SRA1: variants seen among roughly 807,000 people sequenced by gnomAD.
SRA1 encodes the protein steroid receptor RNA activator 1, also known as lncRNA SRA.
Under a neutral mutation model 24.3 loss-of-function variants are expected in SRA1, and 25 were observed. That is an observed-to-expected ratio of 1.03 (90% CI 0.75 to 1.43). The LOEUF (loss-of-function observed/expected upper bound fraction) is 1.43, where lower values mean the gene tolerates loss of function less well. Ranked by LOEUF, SRA1 falls within the 40% of genes most tolerant of loss-of-function variation. The pLI, the probability that SRA1 is intolerant of heterozygous loss-of-function variation, is 0.00. For synonymous variants in SRA1, 104 were observed against 109.5 expected, an observed-to-expected ratio of 0.95 and a Z score of 0.31; for missense variants, 303 against 286.6, an observed-to-expected ratio of 1.06 and a Z score of -0.41.
chr5:140,557,736 A>G (rs1561865104), upstream of SRA1: 2 of 542,658 alleles, frequency 3.7e-6, no homozygotes, highest in South Asian at 2.4e-5. Context: ...GCAAATTCAA[A>G]CAAAGAAGCT....
intron 2 of SRA1, among the ~76,000 whole-genome samples, chr5:140,552,647 C>CT (rs1409688054): frequency 4.7e-5 from 7 of 148,834 alleles, no homozygotes; most frequent in Non-Finnish European, 7.4e-5. Context: ...GAGTGAAACT[C>CT]TGTCTCAAAA....
intron 2 of SRA1, among the ~76,000 whole-genome samples, chr5:140,553,589 G>A (rs1330795140): frequency 6.6e-6 from 1 of 152,190 alleles, no homozygotes; most frequent in African/African-American, 2.4e-5. Context: ...ACCCTGTGGG[G>A]CTTTGGAAGA....
upstream of SRA1, chr5:140,557,514 C>T (rs1396595150): frequency 4.6e-6 from 7 of 1,524,100 alleles, no homozygotes; most frequent in East Asian, 2.4e-5. Context: ...TCACGCGGGC[C>T]AGTTGAGACA....
intron 2 of SRA1, among the ~76,000 whole-genome samples, chr5:140,555,893 C>G (rs1459420097): frequency 6.6e-6 from 1 of 152,186 alleles, no homozygotes; most frequent in Non-Finnish European, 1.5e-5. Flanking sequence ...CACCCTTATG[C>G]AAATCATTAA....
Position 140,550,704 on chromosome 5 carries a change from G to A in SRA1, c.671C>T (p.Ser224Leu). ...GTGAGTCTGGGGAACCGAGGATTATGAAGCCTGCTGGAAGCCTGGTATGGT... is the reference window on the plus strand; with the variant it reads ...GTGAGTCTGGGGAACCGAGGATTATAAAGCCTGCTGGAAGCCTGGTATGGT... ...NHTIPGFQQA[S>L] Residue 224 changes from serine (S) to leucine (L), a missense_variant, in exon 5 of 5, where the codon TCA (serine) becomes TTA (leucine). Coordinates refer to ENST00000336283, the MANE Select transcript of SRA1 (RefSeq NM_001035235.4). The A allele has an allele frequency of 6.2e-7, 1 of 1,614,102 alleles. No individual in the cohort carries two copies. Among genetic ancestry groups the A allele is most frequent in the Non-Finnish European group, 8.5e-7 (1 of 1,179,996 alleles).
intron 3 of SRA1, 53 bp from the exon 4 acceptor site, chr5:140,551,222 G>A: frequency 1.4e-6 from 2 of 1,436,278 alleles, no homozygotes; most frequent in Admixed American, 1.7e-5. Context: ...AATGAGGGGA[G>A]GAGAGGGGAA....
chr5:140,552,182 G>A lies in SRA1; in HGVS notation c.154C>T (p.Pro52Ser), dbSNP rs762256653. The A allele has an allele frequency of 6.4e-7, 1 of 1,555,960 alleles. No homozygotes were observed. The highest frequency in any genetic ancestry group is 8.7e-7 in the Non-Finnish European group (1 of 1,150,364). The change falls in exon 3 of 5, where the codon CCC becomes TCC. Residue 52 changes from proline to serine, a missense_variant and splice_region_variant. Pro to Ser is a moderately conservative substitution (Grantham distance 74, BLOSUM62 -1). Transcript: ENST00000336283. ...GGCCCAGGAGAAGTCTCTGATGCGG[G>A]GACTGAAAAGGTACAGCAGGATCAA... The part of the protein sequence containing the change: ...AAPQDGSPRV[P>S]ASETSPGPPP...
Position 140,551,979 on chromosome 5 carries a change from T to C in SRA1, c.354+3A>G. Reference sequence around the variant, plus strand: ...CTCTAACCTCTGATGTGCCAGAGCTTACCCTTGTGTGGCCACGGCAGTCTT... The same window carrying C: ...CTCTAACCTCTGATGTGCCAGAGCTCACCCTTGTGTGGCCACGGCAGTCTT... On this transcript the variant is annotated splice_donor_region_variant and intron_variant, in intron 3 of 4. Coordinates refer to ENST00000336283, the MANE Select transcript of SRA1 (RefSeq NM_001035235.4). 6.2e-7 allele frequency: 1 copy of C among 1,613,748 alleles called. No individual in the cohort carries two copies. The highest frequency in any genetic ancestry group is 1.1e-5 in the South Asian group (1 of 91,030).
intron 4 of SRA1, 61 bp downstream of exon 4, chr5:140,551,000 T>TC: frequency 6.3e-7 from 1 of 1,581,030 alleles, no homozygotes; most frequent in Non-Finnish European, 8.7e-7. Flanking sequence ...CAGCACCTGC[T>TC]CCAGCATAGC....
intron 2 of SRA1, among the ~76,000 whole-genome samples, chr5:140,553,897 T>C (rs1346542971): frequency 2.0e-5 from 3 of 152,158 alleles, no homozygotes; most frequent in African/African-American, 7.2e-5. Flanking sequence ...TGACTCGTAG[T>C]TTCTGACTTA....
In SRA1 at chr5:140,553,307, TAA is replaced by T. The variant is rs551082593; in HGVS notation, c.152-1125_152-1124del. Among the ~76,000 whole-genome samples the T allele has an allele frequency of 2.1e-4, 27 of 127,960 alleles. 1 individual carries two copies. Among genetic ancestry groups the T allele is most frequent in the African/African-American group, 3.2e-4 (11 of 34,628 alleles). The allele number at this position is 127,960 out of a possible 152,430, so 83.9% of individuals were successfully genotyped here. On this transcript the variant is annotated intron_variant, in intron 2 of 4. Coordinates refer to ENST00000336283, the MANE Select transcript of SRA1 (RefSeq NM_001035235.4). ...CCTGAGCAGCATACTAAGACCCTCT[TAA>T]AAAAAAAAAAAAAAGACAGCTGCTA... is the stretch of plus-strand genomic sequence containing the variant.
At position 140,557,426 on chromosome 5, in the gene SRA1, A is replaced by ACCCGGCTTCACGTACAGCTCCG. The variant is rs1561864305; in HGVS notation, c.5_25+1dup. The ACCCGGCTTCACGTACAGCTCCG allele has an allele frequency of 1.3e-6, 2 of 1,571,478 alleles. No individual in the cohort carries two copies. The highest frequency in any genetic ancestry group is 2.3e-5 in the South Asian group (2 of 87,738). On this transcript the variant is annotated splice_donor_variant, in intron 1 of 4. Transcript: ENST00000336283. LOFTEE classifies it high-confidence loss of function. ...GTGCCCTAGCCCGCCGGCTGCGCTC[A>ACCCGGCTTCACGTACAGCTCCG]CCCGGCTTCACGTACAGCTCCGCCA... is the stretch of plus-strand genomic sequence containing the variant.
chr5:140,556,119 G>C (rs1211970434), intron 2 of SRA1, among the ~76,000 whole-genome samples: 1 of 152,224 alleles, frequency 6.6e-6, no homozygotes, highest in Non-Finnish European at 1.5e-5. Context: ...AGTCAGAGTT[G>C]CTGATTAACA....
chr5:140,557,542 G>A (rs979384869), upstream of SRA1: 4 of 1,458,798 alleles, frequency 2.7e-6, no homozygotes, highest in East Asian at 2.5e-5. Flanking sequence ...GGCCAGGCGG[G>A]TTGCCGGAAT....
rs571693009 is a variant in SRA1, at chr5:140,550,477, G to A, written c.*223C>T. 26 of 587,280 alleles carry A rather than the reference G, an allele frequency of 4.4e-5. No homozygotes were observed. Among genetic ancestry groups the A allele is most frequent in the South Asian group, 3.7e-4 (18 of 49,236 alleles). The allele number at this position is 587,280 out of a possible 1,614,324, so 36.4% of individuals were successfully genotyped here. ...CACCAGAGGGGACTAGCTTGGCACC[G>A]GAAGGGTTCATCTCTCCTACCCAAG... On this transcript the variant is annotated 3_prime_UTR_variant, in exon 5 of 5. Transcript: ENST00000336283.
intron 3 of SRA1, 163 bp downstream of exon 3, chr5:140,551,819 G>A: frequency 1.7e-6 from 1 of 588,602 alleles, no homozygotes; most frequent in East Asian, 3.0e-5. Context: ...CTGAAATCCT[G>A]TGTTCATTTC....
chr5:140,553,234 G>GGGAGGC (rs1754609799), intron 2 of SRA1, among the ~76,000 whole-genome samples: 1 of 152,018 alleles, frequency 6.6e-6, no homozygotes, highest in Non-Finnish European at 1.5e-5. Context: ...CCAGCACACT[G>GGGAGGC]GGAGGCAGAG....
upstream of SRA1, chr5:140,557,669 A>G (rs1754766992): frequency 1.6e-6 from 1 of 609,050 alleles, no homozygotes; most frequent in South Asian, 2.0e-5. Flanking sequence ...GTCACAAGGC[A>G]CCAAAGGAGG....
At chr5:140,551,289 T>C in intron 3 of SRA1, 120 bp from the exon 4 acceptor site, 1 of 710,098 alleles carries the variant, frequency 1.4e-6, no homozygotes, top group Non-Finnish European at 2.3e-6. Context: ...GAATTCTGGT[T>C]CTTTACCCAA....
Sources: allele counts gnomAD v4.1 joint callset (sites outside exome capture counted in the v4.1 genomes callset), GRCh38; gene constraint gnomAD v4.1.1; transcripts MANE v1.5; gene names NCBI Gene and HGNC (gene_info 2026-07-23, HGNC 2026-07-21).